Variants in KCNIP2 observed in about 807,000 individuals in gnomAD.
The protein encoded by KCNIP2 is A-type potassium channel modulatory protein KCNIP2.
In KCNIP2, 19 loss-of-function variants were observed where a neutral mutation model predicts 39.0. The ratio of observed to expected loss-of-function variants is 0.49; its 90% confidence interval spans 0.34 to 0.71. The LOEUF is 0.71. Among genes scored for constraint, KCNIP2 ranks in the 30% least tolerant of loss-of-function variants. The probability of loss-of-function intolerance (pLI) is 0.01; values close to 1 mark genes in which losing one functional copy is unlikely to be tolerated. For missense variants in KCNIP2, 261 were observed against 346.0 expected (o/e 0.75, Z 1.95); for synonymous variants, 111 against 131.2 (o/e 0.85, Z 1.05).
rs757352883 is a variant in KCNIP2 at position 101,843,476 on chromosome 10, C to T, written c.73+20G>A. 18 of 1,512,708 alleles carry T rather than the reference C, an allele frequency of 1.2e-5. No homozygotes were observed. Among genetic ancestry groups the T allele is most frequent in the African/African-American group, 1.4e-5 (1 of 69,768 alleles). 93.7% of individuals were successfully genotyped at this position (1,512,708 alleles called of 1,614,324 possible). The stretch of plus-strand genomic sequence containing the variant: ...ATGGAATCCACCCTCCCTCCCGCGA[C>T]CCCCACGTCACTGACTCACCCGTGA... On this transcript the variant is annotated intron_variant, in intron 1 of 9. Transcript: ENST00000356640. This position sits in a 1 kb window ranked among gnomAD's most constrained non-coding sequence, Gnocchi z 6.7.
intron 1 of KCNIP2, among the ~76,000 whole-genome samples, chr10:101,832,570 A>T (rs537050269): frequency 6.6e-6 from 1 of 152,004 alleles, no homozygotes; most frequent in South Asian, 2.1e-4. Context: ...CCTTCAACAC[A>T]TCCTTACCTC....
rs1230114766 is a variant in KCNIP2, at chr10:101,826,785, A to G, written c.*568T>C. The stretch of plus-strand genomic sequence containing the variant: ...GTGGAACTTGGAGCTATAACCTGGT[A>G]TGCCTGAGCAATCATAATCTGTCCA... On this transcript the variant is annotated 3_prime_UTR_variant, in exon 10 of 10. Coordinates refer to ENST00000356640, the MANE Select transcript of KCNIP2 (RefSeq NM_173191.3). The G allele has an allele frequency of 6.6e-6, 1 of 152,362 alleles. No individual in the cohort carries two copies. Among genetic ancestry groups the G allele is most frequent in the Non-Finnish European group, 1.5e-5 (1 of 68,140 alleles). 9.4% of individuals were successfully genotyped at this position (152,362 alleles called of 1,614,324 possible). A position where few individuals can be genotyped will look rare whatever the true frequency, so the allele number is the denominator to read the frequency against.
Position 101,843,471 on chromosome 10 carries a change from C to G in KCNIP2, c.73+25G>C. 1 of 1,494,030 alleles carries G rather than the reference C, an allele frequency of 6.7e-7. No homozygotes were observed. Among genetic ancestry groups the G allele is most frequent in the Non-Finnish European group, 9.0e-7 (1 of 1,111,436 alleles). 92.5% of individuals were successfully genotyped at this position (1,494,030 alleles called of 1,614,324 possible). A position where few individuals can be genotyped will look rare whatever the true frequency, so the allele number is the denominator to read the frequency against. On this transcript the variant is annotated intron_variant, in intron 1 of 9. Transcript: ENST00000356640. The surrounding 1 kb of genome is among the most constrained non-coding windows in gnomAD (Gnocchi z 6.7). ...GAGGAATGGAATCCACCCTCCCTCC[C>G]GCGACCCCCACGTCACTGACTCACC... is the stretch of plus-strand genomic sequence containing the variant.
rs2065830431 is a variant in KCNIP2 at position 101,828,530 on chromosome 10, AC to A, written c.419-72del. 1 of 1,591,254 alleles carries A rather than the reference AC, an allele frequency of 6.3e-7. No homozygotes were observed. Among genetic ancestry groups the A allele is most frequent in the Non-Finnish European group, 8.6e-7 (1 of 1,161,986 alleles). ...TTCCTCCCTCTAAGGAGCTCCCCATACCCCCCATCACCTTGGCATTCCCAGC... is the reference window on the plus strand; with the variant it reads ...TTCCTCCCTCTAAGGAGCTCCCCATACCCCCATCACCTTGGCATTCCCAGC... On this transcript the variant is annotated intron_variant, in intron 5 of 9. Transcript: ENST00000356640. This position sits in a 1 kb window ranked among gnomAD's most constrained non-coding sequence, Gnocchi z 6.6.
chr10:101,837,693 G>T (rs541846995), intron 1 of KCNIP2, among the ~76,000 whole-genome samples: 1 of 152,258 alleles, frequency 6.6e-6, no homozygotes, highest in South Asian at 2.1e-4. Context: ...TAATAATAAT[G>T]AGTTGTTTAA....
chr10:101,842,366 A>G (rs763235614), intron 1 of KCNIP2, among the ~76,000 whole-genome samples: 47 of 152,256 alleles, frequency 3.1e-4, no homozygotes, highest in Admixed American at 2.0e-3. Context: ...TGTGGGAAAG[A>G]GAGGATGCCC....
intron 1 of KCNIP2, chr10:101,839,958 A>G (rs2066277256): frequency 2.3e-6 from 2 of 863,000 alleles, no homozygotes; most frequent in Non-Finnish European, 3.3e-6. Flanking sequence ...CGGCAGGCAT[A>G]GGATCGAAAC....
Position 101,828,276 on chromosome 10 carries a change from G to C in KCNIP2, c.490-18C>G. The C allele has an allele frequency of 6.2e-7, 1 of 1,612,306 alleles. No homozygotes were observed. Among genetic ancestry groups the C allele is most frequent in the Non-Finnish European group, 8.5e-7 (1 of 1,178,322 alleles). On this transcript the variant is annotated intron_variant, in intron 6 of 9. Transcript: ENST00000356640. This position sits in a 1 kb window ranked among gnomAD's most constrained non-coding sequence, Gnocchi z 6.6. ...ACAAAGTCCTGGGAAGGAGGCAGGA[G>C]GGAGCTGTGTCCTCGGGTACTCTTC...
Position 101,833,133 on chromosome 10 carries a change from C to A in KCNIP2, c.74-1966G>T, listed in dbSNP as rs148797772. Among the ~76,000 whole-genome samples the A allele has an allele frequency of 1.2e-3, 179 of 152,248 alleles. 1 individual carries two copies. Among genetic ancestry groups the A allele is most frequent in the African/African-American group, 4.1e-3 (170 of 41,532 alleles). ...TTTTTCCAGTTCTTCCAGGTATCTA[C>A]CCTGCAGTCCTCCATCATGGTTCTA... On this transcript the variant is annotated intron_variant, in intron 1 of 9. Coordinates refer to ENST00000356640, the MANE Select transcript of KCNIP2 (RefSeq NM_173191.3).
In KCNIP2 at chr10:101,840,539, GC is replaced by G. The variant is rs1033140407; in HGVS notation, c.73+2956del. Among the ~76,000 whole-genome samples the G allele has an allele frequency of 9.7e-5, 6 of 61,880 alleles. No homozygotes were observed. The East Asian group carries it at 1.5e-3, about 15-fold the overall frequency. 40.6% of individuals were successfully genotyped at this position (61,880 alleles called of 152,430 possible). On this transcript the variant is annotated intron_variant, in intron 1 of 9. Coordinates refer to ENST00000356640, the MANE Select transcript of KCNIP2 (RefSeq NM_173191.3). The stretch of plus-strand genomic sequence containing the variant: ...GCTACAGCCGAATGCTTCGAGAAGA[GC>G]CCCCCCCGCACCCCCCCCCCACTTC...
intron 2 of KCNIP2, chr10:101,830,288 A>C (rs958563985): frequency 2.5e-6 from 2 of 784,366 alleles, no homozygotes; most frequent in African/African-American, 1.8e-5. Context: ...AGAAAACCCA[A>C]ATACCCTGGC....
chr10:101,832,743 G>A (rs974696479), intron 1 of KCNIP2, among the ~76,000 whole-genome samples: 5 of 152,050 alleles, frequency 3.3e-5, no homozygotes, highest in Admixed American at 6.5e-5. Flanking sequence ...TGCCCGACTC[G>A]GGGGTGGCTC....
chr10:101,842,351 C>A (rs1159912984), intron 1 of KCNIP2, among the ~76,000 whole-genome samples: 2 of 152,236 alleles, frequency 1.3e-5, no homozygotes, highest in Non-Finnish European at 2.9e-5. Context: ...TCACATACCT[C>A]CCCATGTGGG....
At chr10:101,837,335 AAG>A (rs2066194394) in intron 1 of KCNIP2, among the ~76,000 whole-genome samples, 1 of 152,048 alleles carries the variant, frequency 6.6e-6, no homozygotes, top group Admixed American at 6.5e-5. Flanking sequence ...CTTGGGAAAA[AAG>A]AGTGATTTTT....
chr10:101,827,789 T>A, intron 8 of KCNIP2, 38 bp from the exon 9 acceptor site: 4 of 1,565,618 alleles, frequency 2.6e-6, no homozygotes, highest in Non-Finnish European at 3.5e-6. Flanking sequence ...ACAGGAGGGA[T>A]GGCAAGAGAG....
chr10:101,827,129 G>T lies in KCNIP2; in HGVS notation c.*224C>A. 1.8e-6 allele frequency: 2 copies of T among 1,109,484 alleles called. No individual in the cohort carries two copies. The highest frequency in any genetic ancestry group is 2.3e-6 in the Non-Finnish European group (2 of 861,970). 68.7% of individuals were successfully genotyped at this position (1,109,484 alleles called of 1,614,324 possible). ...ACTGGGTGTCAGGCAGGAAGGGGGT[G>T]AGAGCTGGTGGGAGTTGGGAACACC... On this transcript the variant is annotated 3_prime_UTR_variant, in exon 10 of 10. Coordinates refer to ENST00000356640, the MANE Select transcript of KCNIP2 (RefSeq NM_173191.3).
At position 101,826,268 on chromosome 10, in the gene KCNIP2, G is replaced by A. The variant is rs747790266; in HGVS notation, c.*1085C>T. On this transcript the variant is annotated 3_prime_UTR_variant, in exon 10 of 10. Coordinates refer to ENST00000356640, the MANE Select transcript of KCNIP2 (RefSeq NM_173191.3). ...GGGTAGATTGAGTCAAGCAAGAAGA[G>A]ACCCTAGGGAACTGAGGAGGTTATC... 3 of 152,560 alleles carry A rather than the reference G, an allele frequency of 2.0e-5. No homozygotes were observed. Among genetic ancestry groups the A allele is most frequent in the Non-Finnish European group, 4.4e-5 (3 of 68,022 alleles). The allele number at this position is 152,560 out of a possible 1,614,324, so 9.5% of individuals were successfully genotyped here. A position where few individuals can be genotyped will look rare whatever the true frequency, so the allele number is the denominator to read the frequency against.
intron 9 of KCNIP2, 63 bp from the exon 10 acceptor site, chr10:101,827,463 C>T: frequency 6.5e-7 from 1 of 1,530,110 alleles, no homozygotes; most frequent in South Asian, 1.2e-5. Context: ...TTATCAGAGA[C>T]AGTGAGAGGG....
At chr10:101,840,670 C>T (rs2066304853) in intron 1 of KCNIP2, among the ~76,000 whole-genome samples, 1 of 151,964 alleles carries the variant, frequency 6.6e-6, no homozygotes, top group Non-Finnish European at 1.5e-5. Context: ...CCTGGGAAAG[C>T]CTACGGGAGA....
Sources: gnomAD v4.1 joint callset for allele counts (sites outside exome capture counted in the v4.1 genomes callset) on GRCh38, gnomAD v4.1.1 for gene constraint, Gnocchi (gnomAD v3.1) non-coding constraint, MANE v1.5 for transcripts, NCBI Gene and HGNC (gene_info 2026-07-23, HGNC 2026-07-21) for gene names.